Variants in HGD observed in about 807,000 individuals in gnomAD.
The protein encoded by HGD is homogentisate oxidase.
A neutral mutation model predicts 60.8 loss-of-function variants in HGD; 61 were observed. That is an observed-to-expected ratio of 1.00 (90% CI 0.82 to 1.24). The LOEUF (loss-of-function observed/expected upper bound fraction) is 1.24, where lower values mean the gene tolerates loss of function less well. HGD is among the 50% of genes most tolerant of loss of function. The pLI, the probability that HGD is intolerant of heterozygous loss-of-function variation, is 0.00. For synonymous variants in HGD, 212 were observed against 187.7 expected (o/e 1.13, Z -1.06); for missense variants, 542 against 547.1 (o/e 0.99, Z 0.09).
intron 4 of HGD, among the ~76,000 whole-genome samples, chr3:120,658,788 C>G (rs548846979): frequency 1.3e-5 from 2 of 152,370 alleles, no homozygotes; most frequent in African/African-American, 4.8e-5. Context: ...TAGGTGGGGG[C>G]TCCCAGGCCT....
Position 120,675,788 on chromosome 3 carries a change from A to C in HGD, c.87+4T>G. On this transcript the variant is annotated splice_donor_region_variant and intron_variant, in intron 2 of 13. Transcript: ENST00000283871. ...GCTCTTCTAAGCACTTTATTTGCTC[A>C]TACCTGTCCTTCTGGCAGGGAACCT... 6.2e-7 allele frequency: 1 copy of C among 1,611,298 alleles called. No individual in the cohort carries two copies. The highest frequency in any genetic ancestry group is 8.5e-7 in the Non-Finnish European group (1 of 1,177,522).
At chr3:120,639,928 A>C (rs1191701383) in intron 11 of HGD, among the ~76,000 whole-genome samples, 2 of 152,150 alleles carry the variant, frequency 1.3e-5, no homozygotes, top group Non-Finnish European at 2.9e-5. Context: ...GAAATCAACA[A>C]TCATGTTCCC....
rs753068271 is a variant in HGD, at chr3:120,675,826, T to C, written c.53A>G (p.Asp18Gly). Reference sequence around the variant, plus strand: ...TGGCAGGGAACCTGGGCAGCGAGGATCCTCTGAAGAACACTCATTCCCAAA... The same window carrying C: ...TGGCAGGGAACCTGGGCAGCGAGGACCCTCTGAAGAACACTCATTCCCAAA... ...SGFGNECSSE[D>G]PRCPGSLPEG... Residue 18 changes from aspartate to glycine, a missense_variant, in exon 2 of 14, where the codon GAT becomes GGT. This residue lies in a region of HGD where 537 missense variants were observed against 529.1 expected (regional missense o/e 1.01). Coordinates refer to ENST00000283871, the MANE Select transcript of HGD (RefSeq NM_000187.4). 2 of 1,613,650 alleles carry C rather than the reference T, an allele frequency of 1.2e-6. No individual in the cohort carries two copies. Among genetic ancestry groups the C allele is most frequent in the Admixed American group, 3.3e-5 (2 of 59,996 alleles).
At chr3:120,645,929 A>G (rs1428239141) in intron 9 of HGD, among the ~76,000 whole-genome samples, 4 of 152,176 alleles carry the variant, frequency 2.6e-5, no homozygotes, top group African/African-American at 7.2e-5. Context: ...TCAAATTCTC[A>G]TCTCTTCTGT....
intron 11 of HGD, among the ~76,000 whole-genome samples, chr3:120,639,552 C>T (rs921070281): frequency 4.6e-5 from 7 of 152,160 alleles, no homozygotes; most frequent in African/African-American, 1.4e-4. Flanking sequence ...CTTATTACCC[C>T]GTGGGTCTGA....
chr3:120,675,759 C>G (rs745887026), intron 2 of HGD, 33 bp downstream of exon 2: 2 of 1,553,190 alleles, frequency 1.3e-6, no homozygotes, highest in African/African-American at 2.7e-5. Flanking sequence ...GAATAGGATT[C>G]AGAGCTCTTC....
At chr3:120,652,786 T>C (rs1576301333) in intron 4 of HGD, 135 bp from the exon 5 acceptor site, 1 of 667,988 alleles carries the variant, frequency 1.5e-6, no homozygotes, top group South Asian at 1.6e-5. Context: ...GATTTTGTTA[T>C]ATTAAAATGA....
intron 6 of HGD, among the ~76,000 whole-genome samples, chr3:120,649,139 C>CTTTTTTTTTTTTTTTTTTTT (rs10572267): frequency 1.1e-5 from 1 of 94,424 alleles, no homozygotes; most frequent in African/African-American, 3.7e-5. Context: ...TCTTCTTTTT[C>CTTTTTTTTTTTTTTTTTTTT]TTTTTTTTTT....
intron 5 of HGD, among the ~76,000 whole-genome samples, chr3:120,651,505 A>G (rs1941341308): frequency 6.6e-6 from 1 of 152,210 alleles, no homozygotes; most frequent in Non-Finnish European, 1.5e-5. Context: ...TCACACAAGA[A>G]AGGAGATGGG....
At chr3:120,634,136 G>A (rs1383743292) in intron 12 of HGD, among the ~76,000 whole-genome samples, 1 of 152,092 alleles carries the variant, frequency 6.6e-6, no homozygotes, top group Non-Finnish European at 1.5e-5. Context: ...CCCGGGCTCT[G>A]CCTGGATGTG....
At chr3:120,667,139 A>G (rs1707915895) in intron 4 of HGD, among the ~76,000 whole-genome samples, 1 of 151,768 alleles carries the variant, frequency 6.6e-6, no homozygotes, top group African/African-American at 2.4e-5. Context: ...AGCCTGAGCA[A>G]TATGGTAAAA....
In HGD at chr3:120,670,457, G is replaced by C. The variant is rs757080944; in HGVS notation, c.252C>G (p.Asn84Lys). 1.2e-6 allele frequency: 2 copies of C among 1,605,402 alleles called. No individual in the cohort carries two copies. The highest frequency in any genetic ancestry group is 1.3e-5 in the African/African-American group (1 of 74,684). ...ESIDEGQVTHNWDEVDPDPNQ... is the reference protein window; with the variant it reads ...ESIDEGQVTHKWDEVDPDPNQ... ...TAGGATCAGGATCAACTTCATCCCAGTTGTGAGTGACTTGGCCTTCGTCAA... is the reference window on the plus strand; with the variant it reads ...TAGGATCAGGATCAACTTCATCCCACTTGTGAGTGACTTGGCCTTCGTCAA... The change falls in exon 4 of 14, where the codon AAC becomes AAG. Residue 84 changes from asparagine (N) to lysine (K), a missense_variant. Coordinates refer to ENST00000283871, the MANE Select transcript of HGD (RefSeq NM_000187.4).
intron 1 of HGD, among the ~76,000 whole-genome samples, chr3:120,680,463 T>C (rs951127118): frequency 3.3e-5 from 5 of 152,244 alleles, no homozygotes; most frequent in African/African-American, 4.8e-5. Context: ...TTTACATTGA[T>C]GTCCTGGTGC....
rs751252758 is a variant in HGD, at chr3:120,628,404, G to A, written c.1314C>T (p.Ser438=). ...CTCAATTAGGTTCTGCTGGGTTCCT[G>A]GAGTTGGGAGTGAAGTGGCTCTTGA... ...EPLKSHFTPN[S]RNPAEPN Residue 438 remains serine, a synonymous_variant, in exon 14 of 14, where the codon TCC becomes TCT. Coordinates refer to ENST00000283871, the MANE Select transcript of HGD (RefSeq NM_000187.4). 15 of 1,614,030 alleles carry A rather than the reference G, an allele frequency of 9.3e-6. No homozygotes were observed. In the South Asian group the frequency reaches 1.6e-4, roughly 18 times the overall value.
Position 120,659,516 on chromosome 3 carries a change from G to A in HGD, c.283-6865C>T, listed in dbSNP as rs571113727. 6.6e-5 allele frequency among the ~76,000 whole-genome samples: 10 copies of A among 152,286 alleles called. No homozygotes were observed. In the East Asian group the frequency reaches 1.9e-3, roughly 29 times the overall value. Reference sequence around the variant, plus strand: ...CAGTAAGTTCCTCATTTTCATTTGAGATCTCCTCAGCCTGGACTTTATTGT... The same window carrying A: ...CAGTAAGTTCCTCATTTTCATTTGAAATCTCCTCAGCCTGGACTTTATTGT... On this transcript the variant is annotated intron_variant, in intron 4 of 13. Transcript: ENST00000283871.
chr3:120,659,800 T>C (rs781165101), intron 4 of HGD, among the ~76,000 whole-genome samples: 2 of 152,114 alleles, frequency 1.3e-5, no homozygotes, highest in Non-Finnish European at 2.9e-5. Flanking sequence ...AGAAAAGAGG[T>C]TTGATTGGCT....
At chr3:120,670,328 A>G in intron 4 of HGD, 99 bp downstream of exon 4, 1 of 772,258 alleles carries the variant, frequency 1.3e-6, no homozygotes, top group South Asian at 1.4e-5. Context: ...ATACTTTAAA[A>G]AACTATCTAT....
intron 5 of HGD, 31 bp downstream of exon 5, chr3:120,652,561 A>T (rs370808217): frequency 1.8e-5 from 27 of 1,512,506 alleles, no homozygotes; most frequent in Non-Finnish European, 2.3e-5. Flanking sequence ...AGAGGAGAGC[A>T]GTAGGGAGGG....
At chr3:120,656,583 G>A (rs753218005) in intron 4 of HGD, among the ~76,000 whole-genome samples, 2 of 151,352 alleles carry the variant, frequency 1.3e-5, no homozygotes, top group South Asian at 2.1e-4. Flanking sequence ...TTGGAGTCGC[G>A]CTCTGTTACC....
Sources: gnomAD v4.1 joint callset for allele counts (sites outside exome capture counted in the v4.1 genomes callset) on GRCh38, gnomAD v4.1.1 for gene constraint, gnomAD v4.1.1 regional missense constraint, MANE v1.5 for transcripts, NCBI Gene and HGNC (gene_info 2026-07-23, HGNC 2026-07-21) for gene names.